Variants in KCND2 observed in about 807,000 individuals in gnomAD.
KCND2 encodes the protein A-type voltage-gated potassium channel KCND2.
In KCND2, 16 loss-of-function variants were observed where a neutral mutation model predicts 54.4. The ratio of observed to expected loss-of-function variants is 0.29; its 90% CI spans 0.20 to 0.45. The LOEUF (loss-of-function observed/expected upper bound fraction) is 0.45, where lower values mean the gene tolerates loss of function less well. Ranked by LOEUF, KCND2 falls within the 20% of genes least tolerant of loss-of-function variation. The probability of loss-of-function intolerance (pLI) is 1.00; values close to 1 mark genes in which losing one functional copy is unlikely to be tolerated. For missense variants in KCND2, 486 were observed against 824.2 expected (o/e 0.59, Z 5.02); for synonymous variants, 317 against 310.7 (o/e 1.02, Z -0.21).
At chr7:120,463,209 C>T (rs886737560) in intron 1 of KCND2, among the ~76,000 whole-genome samples, 1 of 151,802 alleles carries the variant, frequency 6.6e-6, no homozygotes, top group South Asian at 2.1e-4. Flanking sequence ...AAGTATATTG[C>T]ATTTTTCAAG....
At chr7:120,431,254 TA>T (rs1801784349) in intron 1 of KCND2, among the ~76,000 whole-genome samples, 1 of 152,224 alleles carries the variant, frequency 6.6e-6, no homozygotes, top group Admixed American at 6.5e-5. Context: ...TAGTAATACC[TA>T]CCTTTTTAAA....
At chr7:120,418,113 C>T (rs73433856) in intron 1 of KCND2, among the ~76,000 whole-genome samples, 1,663 of 152,292 alleles carry the variant, frequency 0.011, 34 homozygotes, top group African/African-American at 0.038. Context: ...ATTCTGGTTT[C>T]TACCTCAGTT....
At chr7:120,743,495 A>T (rs1792966760) in intron 4 of KCND2, among the ~76,000 whole-genome samples, 1 of 152,146 alleles carries the variant, frequency 6.6e-6, no homozygotes, top group South Asian at 2.1e-4. Context: ...AAAATCCCAG[A>T]CAGGGCTGTT....
At chr7:120,319,002 A>G (rs917030045) in intron 1 of KCND2, among the ~76,000 whole-genome samples, 3 of 152,114 alleles carry the variant, frequency 2.0e-5, no homozygotes, top group Admixed American at 1.3e-4. Context: ...TTGTTCTATT[A>G]TCATCACTAC....
At position 120,474,720 on chromosome 7, in the gene KCND2, A is replaced by G. The variant is rs1394025538; in HGVS notation, c.1115+198973A>G. 2.0e-5 allele frequency among the ~76,000 whole-genome samples: 3 copies of G among 152,110 alleles called. No homozygotes were observed. The East Asian group carries it at 5.8e-4, about 29-fold the overall frequency. ...TTCTTTGATTTATCTAACACCCTCTATCTAATACTATCCCATTACCTCAGC... is the reference window on the plus strand; with the variant it reads ...TTCTTTGATTTATCTAACACCCTCTGTCTAATACTATCCCATTACCTCAGC... On this transcript the variant is annotated intron_variant, in intron 1 of 5. Transcript: ENST00000331113.
At chr7:120,359,496 A>G (rs941093657) in intron 1 of KCND2, among the ~76,000 whole-genome samples, 5 of 152,130 alleles carry the variant, frequency 3.3e-5, no homozygotes, top group Non-Finnish European at 7.4e-5. Context: ...TACATGTACA[A>G]TTTGAAAAAA....
intron 1 of KCND2, among the ~76,000 whole-genome samples, chr7:120,282,865 T>C (rs116227122): frequency 4.7e-4 from 71 of 152,308 alleles, no homozygotes; most frequent in African/African-American, 1.6e-3. Context: ...GATCACTTGC[T>C]ACCTGTCATT....
intron 1 of KCND2, among the ~76,000 whole-genome samples, chr7:120,665,332 T>C (rs1791913442): frequency 1.3e-5 from 2 of 152,110 alleles, no homozygotes; most frequent in African/African-American, 4.8e-5. Context: ...ACCAGATATT[T>C]AAGTTGAATG....
At position 120,309,479 on chromosome 7, in the gene KCND2, A is replaced by T. The variant is rs568935564; in HGVS notation, c.1115+33732A>T. Among the ~76,000 whole-genome samples the T allele has an allele frequency of 2.3e-4, 18 of 79,524 alleles. No homozygotes were observed. The East Asian group carries it at 8.3e-3, about 37-fold the overall frequency. The allele number at this position is 79,524 out of a possible 152,430, so 52.2% of individuals were successfully genotyped here. On this transcript the variant is annotated intron_variant, in intron 1 of 5. Coordinates refer to ENST00000331113, the MANE Select transcript of KCND2 (RefSeq NM_012281.3). ...TATATATATATATATATATATACAC[A>T]CACACACACACACACACACACACAT...
chr7:120,352,470 A>G (rs1325155909), intron 1 of KCND2, among the ~76,000 whole-genome samples: 1 of 142,828 alleles, frequency 7.0e-6, no homozygotes, highest in Admixed American at 6.9e-5. Flanking sequence ...ACACACACAC[A>G]CACACACACA....
At chr7:120,587,123 C>T (rs1792609864) in intron 1 of KCND2, among the ~76,000 whole-genome samples, 1 of 152,100 alleles carries the variant, frequency 6.6e-6, no homozygotes, top group Non-Finnish European at 1.5e-5. Flanking sequence ...TGACTGCATG[C>T]TGTAAACATT....
At chr7:120,413,098 CA>C (rs1377366385) in intron 1 of KCND2, among the ~76,000 whole-genome samples, 1 of 151,932 alleles carries the variant, frequency 6.6e-6, no homozygotes, top group Non-Finnish European at 1.5e-5. Flanking sequence ...ACCACCTTCC[CA>C]ATACTGTAAT....
At chr7:120,361,844 A>G (rs1164881417) in intron 1 of KCND2, among the ~76,000 whole-genome samples, 1 of 152,112 alleles carries the variant, frequency 6.6e-6, no homozygotes, top group Non-Finnish European at 1.5e-5. Context: ...TGTAAAGCTA[A>G]ATATTTAATT....
At chr7:120,276,363 G>A (rs1799174490) in intron 1 of KCND2, among the ~76,000 whole-genome samples, 1 of 152,104 alleles carries the variant, frequency 6.6e-6, no homozygotes, top group African/African-American at 2.4e-5. Context: ...AGCTGAAACT[G>A]ATCAACTCTA....
intron 1 of KCND2, among the ~76,000 whole-genome samples, chr7:120,513,298 A>T (rs1043577383): frequency 1.3e-5 from 2 of 152,146 alleles, no homozygotes; most frequent in African/African-American, 4.8e-5. Flanking sequence ...TAACCTTAAA[A>T]GACTTTGAAG....
intron 1 of KCND2, among the ~76,000 whole-genome samples, chr7:120,298,009 T>C (rs939555444): frequency 9.9e-5 from 15 of 152,162 alleles, no homozygotes; most frequent in African/African-American, 3.4e-4. Context: ...ATCTGGAATG[T>C]GGCTAGGGTG....
chr7:120,746,827 A>T lies in KCND2; in HGVS notation c.1715+800A>T, dbSNP rs559985210. 3 of 152,282 alleles carry T rather than the reference A, an allele frequency of 2.0e-5. No homozygotes were observed. The East Asian group carries it at 5.8e-4, about 29-fold the overall frequency. 9.4% of individuals were successfully genotyped at this position (152,282 alleles called of 1,614,324 possible). A position where few individuals can be genotyped will look rare whatever the true frequency, so the allele number is the denominator to read the frequency against. ...AAATTCAGTCCTCTTCTTTGTTGGC[A>T]TTCAGAAGTCTTTGTTGAAATCTGG... is the stretch of plus-strand genomic sequence containing the variant. On this transcript the variant is annotated intron_variant, in intron 5 of 5. Transcript: ENST00000331113.
At chr7:120,419,958 C>G (rs1013561712) in intron 1 of KCND2, among the ~76,000 whole-genome samples, 2 of 147,168 alleles carry the variant, frequency 1.4e-5, no homozygotes, top group Non-Finnish European at 3.0e-5. Context: ...TTTTTTTTTC[C>G]CTCCCTTCAT....
At chr7:120,323,540 T>C (rs954772766) in intron 1 of KCND2, among the ~76,000 whole-genome samples, 7 of 149,962 alleles carry the variant, frequency 4.7e-5, no homozygotes, top group African/African-American at 1.5e-4. Flanking sequence ...TGAGTGAGAA[T>C]ATGTGGTGTT....
Sources: gnomAD v4.1 joint callset for allele counts (sites outside exome capture counted in the v4.1 genomes callset) on GRCh38, gnomAD v4.1.1 for gene constraint, MANE v1.5 for transcripts, NCBI Gene and HGNC (gene_info 2026-07-23, HGNC 2026-07-21) for gene names.